Variants in LRTM1 observed in about 807,000 individuals in gnomAD.
The protein encoded by LRTM1 is leucine-rich repeat and transmembrane domain-containing protein 1.
A neutral mutation model predicts 32.4 loss-of-function variants in LRTM1; 38 were observed. The observed-to-expected ratio is 1.17, with a 90% CI of 0.91 to 1.54. The LOEUF (loss-of-function observed/expected upper bound fraction) is 1.54. Ranked by LOEUF, LRTM1 falls within the 40% of genes most tolerant of loss-of-function variation. LRTM1 has a pLI of 0.00. For missense variants in LRTM1, 466 were observed against 415.4 expected (o/e 1.12, Z -1.06); for synonymous variants, 186 against 169.9 (o/e 1.09, Z -0.74).
intron 1 of LRTM1, among the ~76,000 whole-genome samples, chr3:54,939,368 A>G (rs1701406363): frequency 6.6e-6 from 1 of 152,214 alleles, no homozygotes; most frequent in Admixed American, 6.5e-5. Flanking sequence ...CATCTGCCGG[A>G]CTTCAAAGCC....
chr3:54,924,390 G>T (rs1339867261), intron 2 of LRTM1, among the ~76,000 whole-genome samples: 1 of 152,164 alleles, frequency 6.6e-6, no homozygotes, highest in Admixed American at 6.5e-5. Context: ...TTAAACAAGT[G>T]AAAGTTATCT....
intron 1 of LRTM1, among the ~76,000 whole-genome samples, chr3:54,937,206 G>A (rs1274132927): frequency 1.3e-5 from 2 of 152,306 alleles, no homozygotes; most frequent in South Asian, 2.1e-4. Flanking sequence ...GATGAAAGAA[G>A]TATCTACTGA....
At chr3:54,965,047 T>C (rs1048849677) in intron 1 of LRTM1, among the ~76,000 whole-genome samples, 3 of 152,164 alleles carry the variant, frequency 2.0e-5, no homozygotes, top group Admixed American at 1.3e-4. Context: ...CAACGGCAGA[T>C]GTCAGAATAC....
At chr3:54,918,953 C>T (rs1393447203) in intron 2 of LRTM1, 61 bp from the exon 3 acceptor site, 1 of 1,371,472 alleles carries the variant, frequency 7.3e-7, no homozygotes, top group East Asian at 2.5e-5. Flanking sequence ...TTCCAAAATC[C>T]TCTGCCTGCA....
intron 1 of LRTM1, among the ~76,000 whole-genome samples, chr3:54,951,929 A>G (rs745729939): frequency 1.5e-4 from 23 of 151,814 alleles, no homozygotes; most frequent in Non-Finnish European, 2.1e-4. Flanking sequence ...GCTCACTGCA[A>G]CCTCCCTACC....
rs147683327 is a variant in LRTM1, at chr3:54,952,598, T to C, written c.-222+14330A>G. Reference sequence around the variant, plus strand: ...TAAATGCATATTTTTTGAAGTAATTTTAGGTGAGTCCCTTTGGCTCATTCA... The same window carrying C: ...TAAATGCATATTTTTTGAAGTAATTCTAGGTGAGTCCCTTTGGCTCATTCA... On this transcript the variant is annotated intron_variant, in intron 1 of 2. Coordinates refer to the LRTM1 transcript ENST00000493075. Among the ~76,000 whole-genome samples the C allele has an allele frequency of 4.3e-3, 651 of 152,310 alleles. 7 individuals carry two copies. The highest frequency in any genetic ancestry group is 0.015 in the African/African-American group (614 of 41,558).
intron 2 of LRTM1, among the ~76,000 whole-genome samples, chr3:54,923,937 A>G (rs1442034182): frequency 6.6e-6 from 1 of 152,214 alleles, no homozygotes; most frequent in Non-Finnish European, 1.5e-5. Context: ...TTATATAATG[A>G]ATGGGCATGG....
At chr3:54,942,184 A>C (rs1238522613) in intron 1 of LRTM1, among the ~76,000 whole-genome samples, 1 of 152,232 alleles carries the variant, frequency 6.6e-6, no homozygotes. Context: ...GCAGTGATAC[A>C]ACCGTGTATC....
chr3:54,924,768 G>C lies in LRTM1; in HGVS notation c.455C>G (p.Ala152Gly), dbSNP rs149325578. ...CTGCTGAAGCTGGTTTTGTTGAACC[G>C]CAAGTATAGTTAGGTTCTCCCAAGT... Reference protein sequence around the residue: ...GETWENLTILAVQQNQLQQLD... With the variant: ...GETWENLTILGVQQNQLQQLD... The change falls in exon 2 of 3, where the codon GCG becomes GGG. Residue 152 changes from alanine to glycine, a missense_variant. Coordinates refer to ENST00000273286, the MANE Select transcript of LRTM1 (RefSeq NM_020678.4). The C allele has an allele frequency of 3.7e-6, 6 of 1,613,972 alleles. No homozygotes were observed. Among genetic ancestry groups the C allele is most frequent in the Non-Finnish European group, 5.1e-6 (6 of 1,180,030 alleles).
At chr3:54,962,027 TCCACCAGTC>T (rs1226359465) in intron 1 of LRTM1, among the ~76,000 whole-genome samples, 1 of 151,496 alleles carries the variant, frequency 6.6e-6, no homozygotes, top group Non-Finnish European at 1.5e-5. Flanking sequence ...TTCCTGTAAA[TCCACCAGTC>T]CCACTCTCAT....
chr3:54,921,319 T>C (rs1048412399), intron 2 of LRTM1, among the ~76,000 whole-genome samples: 1 of 152,158 alleles, frequency 6.6e-6, no homozygotes, highest in Non-Finnish European at 1.5e-5. Flanking sequence ...ATGAGGATAA[T>C]TAAAATTCAC....
At chr3:54,928,456 G>C (rs971011692), upstream of LRTM1, among the ~76,000 whole-genome samples, 2 of 152,176 alleles carry the variant, frequency 1.3e-5, no homozygotes, top group African/African-American at 2.4e-5. Flanking sequence ...TCGAGCAGCA[G>C]AGCCCGCAGA....
chr3:54,948,310 C>A (rs929813329), intron 1 of LRTM1, among the ~76,000 whole-genome samples: 1 of 152,182 alleles, frequency 6.6e-6, no homozygotes. Context: ...CACTGTATCA[C>A]CTCACACCTG....
intron 1 of LRTM1, among the ~76,000 whole-genome samples, chr3:54,925,503 A>G (rs990442425): frequency 6.6e-6 from 1 of 152,216 alleles, no homozygotes; most frequent in South Asian, 2.1e-4. Context: ...GTGATATCAA[A>G]TAGAAGGGTG....
In LRTM1 at chr3:54,928,005, G is replaced by A. The variant is rs181431638; in HGVS notation, c.-94C>T. On this transcript the variant is annotated 5_prime_UTR_variant, in exon 1 of 3. Coordinates refer to ENST00000273286, the MANE Select transcript of LRTM1 (RefSeq NM_020678.4). ...AAGGGCATGGCAGACTCAGAGCCCA[G>A]CTTTACATTCAGTCTTTCTGAACCC... 1.0e-5 allele frequency: 12 copies of A among 1,165,774 alleles called. No individual in the cohort carries two copies. In the East Asian group the frequency reaches 2.4e-4, roughly 23 times the overall value. 72.2% of individuals were successfully genotyped at this position (1,165,774 alleles called of 1,614,324 possible).
intron 1 of LRTM1, among the ~76,000 whole-genome samples, chr3:54,949,581 G>A (rs987905300): frequency 6.6e-6 from 1 of 152,172 alleles, no homozygotes; most frequent in African/African-American, 2.4e-5. Context: ...CCATACCCAA[G>A]GGGCAGCACT....
chr3:54,948,968 G>A (rs995255059), intron 1 of LRTM1, among the ~76,000 whole-genome samples: 12 of 152,314 alleles, frequency 7.9e-5, no homozygotes, highest in African/African-American at 2.9e-4. Flanking sequence ...GTTATAACCA[G>A]CTTCAGGTAC....
At chr3:54,954,887 G>T (rs951294650) in intron 1 of LRTM1, among the ~76,000 whole-genome samples, 6 of 152,218 alleles carry the variant, frequency 3.9e-5, no homozygotes, top group Non-Finnish European at 5.9e-5. Context: ...GAGACAGCAT[G>T]AGAGGCGCCG....
chr3:54,958,224 C>G, intron 1 of LRTM1, among the ~76,000 whole-genome samples: 1 of 152,278 alleles, frequency 6.6e-6, no homozygotes, highest in East Asian at 1.9e-4. Context: ...GACAAGAAAA[C>G]CAGCAGAATA....
Sources: gnomAD v4.1 joint callset for allele counts (sites outside exome capture counted in the v4.1 genomes callset) on GRCh38, gnomAD v4.1.1 for gene constraint, MANE v1.5 for transcripts, NCBI Gene and HGNC (gene_info 2026-07-23, HGNC 2026-07-21) for gene names.